SMYD3: variants seen among roughly 807,000 people sequenced by gnomAD.
SMYD3 encodes histone-lysine N-methyltransferase SMYD3.
SMYD3 carries 36 observed loss-of-function variants against 57.7 expected under a neutral mutation model. The observed-to-expected ratio is 0.62, with a 90% confidence interval of 0.48 to 0.82. The LOEUF is 0.82. Ranked by LOEUF, SMYD3 falls within the 40% of genes least tolerant of loss-of-function variation. The pLI is 0.00. For synonymous variants in SMYD3, 211 were observed against 195.0 expected (o/e 1.08, Z -0.68); for missense variants, 515 against 538.8 (o/e 0.96, Z 0.44).
chr1:246,437,558 C>G (rs1373761819), intron 1 of SMYD3, among the ~76,000 whole-genome samples: 1 of 152,188 alleles, frequency 6.6e-6, no homozygotes, highest in Admixed American at 6.5e-5. Context: ...CCAGATGTTT[C>G]TGTGTTTAGT....
At chr1:246,186,699 A>C in intron 5 of SMYD3, 4 of 963,670 alleles carry the variant, frequency 4.2e-6, no homozygotes, top group Non-Finnish European at 4.9e-6. Flanking sequence ...GGCACTGTCA[A>C]TGTCCACAGC....
intron 5 of SMYD3, among the ~76,000 whole-genome samples, chr1:245,959,553 G>A (rs2057945336): frequency 6.6e-6 from 1 of 152,132 alleles, no homozygotes. Flanking sequence ...GCTAGGGGGA[G>A]CTGACCAACT....
At chr1:246,141,642 T>C (rs1290783086) in intron 5 of SMYD3, among the ~76,000 whole-genome samples, 3 of 152,158 alleles carry the variant, frequency 2.0e-5, no homozygotes, top group African/African-American at 7.2e-5. Context: ...CTGAATGTAC[T>C]CAAAATTCTG....
At chr1:246,262,414 T>C (rs1218232018) in intron 5 of SMYD3, among the ~76,000 whole-genome samples, 3 of 152,226 alleles carry the variant, frequency 2.0e-5, no homozygotes, top group Non-Finnish European at 4.4e-5. Context: ...AACACAGTTC[T>C]GGACATATTC....
rs1019577728 is a variant in SMYD3 at position 245,989,206 on chromosome 1, T to A, written c.532-59269A>T. ...GGTTTCTGCAGCCTGGAACATCCTG[T>A]CCCCCTTTCTCTTCTTAAGAAATCC... is the stretch of plus-strand genomic sequence containing the variant. On this transcript the variant is annotated intron_variant, in intron 5 of 11. Coordinates refer to ENST00000490107, the MANE Select transcript of SMYD3 (RefSeq NM_001167740.2). 2.0e-5 allele frequency among the ~76,000 whole-genome samples: 3 copies of A among 151,980 alleles called. No individual in the cohort carries two copies. The East Asian group carries it at 5.8e-4, about 29-fold the overall frequency.
In SMYD3 at chr1:246,180,273, G is replaced by GTATATATAAACTACTTATATATATAAGTA. The variant is rs2062516863; in HGVS notation, c.531+146927_531+146928insTACTTATATATATAAGTAGTTTATATATA. Among the ~76,000 whole-genome samples the GTATATATAAACTACTTATATATATAAGTA allele has an allele frequency of 1.6e-4, 21 of 134,190 alleles. No homozygotes were observed. The South Asian group carries it at 5.0e-3, about 32-fold the overall frequency. 88.0% of individuals were successfully genotyped at this position (134,190 alleles called of 152,430 possible). On this transcript the variant is annotated intron_variant, in intron 5 of 11. Transcript: ENST00000490107. ...ACATAATCTCTCTCTATATATATGT[G>GTATATATAAACTACTTATATATATAAGTA]TATATATAAACTACTTATATATATA...
Position 245,959,277 on chromosome 1 carries a change from T to A in SMYD3, c.532-29340A>T, listed in dbSNP as rs766831238. Among the ~76,000 whole-genome samples, 88 of 152,146 alleles carry A rather than the reference T, an allele frequency of 5.8e-4. 2 individuals carry two copies. The highest frequency in any genetic ancestry group is 1.3e-4 in the Non-Finnish European group (9 of 67,986). ...ATGCCCGGCCAAGAGCTCTTTACAC[T>A]AAGTGAGGAGCAGTGTTAGGCAAGC... is the stretch of plus-strand genomic sequence containing the variant. On this transcript the variant is annotated intron_variant, in intron 5 of 11. Transcript: ENST00000490107.
At chr1:245,880,995 T>C (rs2052750744) in intron 8 of SMYD3, among the ~76,000 whole-genome samples, 1 of 101,332 alleles carries the variant, frequency 9.9e-6, no homozygotes, top group Non-Finnish European at 2.9e-5. Flanking sequence ...GTCCAGGAGA[T>C]ACTTGCCCTG....
intron 1 of SMYD3, among the ~76,000 whole-genome samples, chr1:246,428,971 C>T (rs1288086223): frequency 2.6e-5 from 4 of 151,544 alleles, no homozygotes; most frequent in Middle Eastern, 3.2e-3. Flanking sequence ...CTGGAACTAC[C>T]CTGTACTCAT....
chr1:246,103,972 T>C (rs919341534), intron 5 of SMYD3, among the ~76,000 whole-genome samples: 14 of 152,230 alleles, frequency 9.2e-5, no homozygotes, highest in African/African-American at 3.4e-4. Context: ...CATTCTTCTA[T>C]AAAACCTTTC....
intron 5 of SMYD3, among the ~76,000 whole-genome samples, chr1:245,983,897 T>A (rs1178900450): frequency 6.6e-6 from 1 of 152,094 alleles, no homozygotes; most frequent in Non-Finnish European, 1.5e-5. Flanking sequence ...AATAAAGGTA[T>A]GCTTCAGCTT....
intron 8 of SMYD3, among the ~76,000 whole-genome samples, chr1:245,866,675 TGAG>T (rs2051870748): frequency 6.6e-6 from 1 of 152,110 alleles, no homozygotes; most frequent in African/African-American, 2.4e-5. Flanking sequence ...GAGGTTGCAG[TGAG>T]CCAAGACCAC....
chr1:246,101,064 G>GTTTTTTTTTT (rs538220674), intron 5 of SMYD3, among the ~76,000 whole-genome samples: 5 of 78,564 alleles, frequency 6.4e-5, no homozygotes, highest in African/African-American at 7.4e-5. Context: ...ATTTTTAGGG[G>GTTTTTTTTTT]TTTTTTGTTT....
chr1:246,495,056 A>G (rs1307263328), intron 1 of SMYD3, among the ~76,000 whole-genome samples: 1 of 152,206 alleles, frequency 6.6e-6, no homozygotes, highest in Non-Finnish European at 1.5e-5. Flanking sequence ...AGTATTAAAA[A>G]TGTCTATGCT....
In SMYD3 at chr1:246,144,641, T is replaced by C. The variant is rs73141348; in HGVS notation, c.531+182560A>G. Among the ~76,000 whole-genome samples, 1,257 of 152,288 alleles carry C rather than the reference T, an allele frequency of 8.3e-3. 13 individuals carry two copies. Among genetic ancestry groups the C allele is most frequent in the African/African-American group, 0.028 (1,167 of 41,550 alleles). ...AGTCCTTGTTAATGACAGGAGCATATCATAATTTAATTAGCTGACACCAAC... is the reference window on the plus strand; with the variant it reads ...AGTCCTTGTTAATGACAGGAGCATACCATAATTTAATTAGCTGACACCAAC... On this transcript the variant is annotated intron_variant, in intron 5 of 11. Transcript: ENST00000490107.
chr1:246,346,186 A>G (rs537322474), intron 2 of SMYD3, among the ~76,000 whole-genome samples: 13 of 152,260 alleles, frequency 8.5e-5, no homozygotes, highest in African/African-American at 3.1e-4. Flanking sequence ...CGGGAGGCTG[A>G]GGCAGGAGAA....
chr1:245,812,545 G>A (rs1007968627), intron 10 of SMYD3, among the ~76,000 whole-genome samples: 1 of 152,090 alleles, frequency 6.6e-6, no homozygotes, highest in Admixed American at 6.5e-5. Context: ...AGGGCTGCCC[G>A]AGGAAACCCT....
At chr1:246,246,165 C>A (rs1188202436) in intron 5 of SMYD3, among the ~76,000 whole-genome samples, 1 of 152,136 alleles carries the variant, frequency 6.6e-6, no homozygotes, top group Non-Finnish European at 1.5e-5. Context: ...CCAGAAAAGT[C>A]ACAGCTAAAG....
chr1:246,216,769 T>C (rs1330072051), intron 5 of SMYD3, among the ~76,000 whole-genome samples: 1 of 152,144 alleles, frequency 6.6e-6, no homozygotes, highest in Non-Finnish European at 1.5e-5. Flanking sequence ...CTTAGAGTAT[T>C]ACAGTCAAGT....
Sources: allele counts gnomAD v4.1 joint callset (sites outside exome capture counted in the v4.1 genomes callset), GRCh38; gene constraint gnomAD v4.1.1; transcripts MANE v1.5; gene names NCBI Gene and HGNC (gene_info 2026-07-23, HGNC 2026-07-21).